NPAS2: variants seen among roughly 807,000 people sequenced by gnomAD.
NPAS2 encodes neuronal PAS domain-containing protein 2.
NPAS2 carries 23 observed loss-of-function variants against 107.5 expected under a neutral mutation model. That is an observed-to-expected ratio of 0.21 (90% CI 0.15 to 0.30). The LOEUF (loss-of-function observed/expected upper bound fraction) is 0.30, where lower values mean the gene tolerates loss of function less well. NPAS2 is among the 10% of genes least tolerant of loss of function. The pLI is 1.00. For missense variants in NPAS2, 756 were observed against 1,043.3 expected (o/e 0.72, Z 3.79); for synonymous variants, 403 against 417.5 (o/e 0.97, Z 0.42).
At chr2:100,880,233 A>G (rs1305344801) in intron 1 of NPAS2, among the ~76,000 whole-genome samples, 5 of 152,226 alleles carry the variant, frequency 3.3e-5, no homozygotes, top group African/African-American at 4.8e-5. Flanking sequence ...CCGTTAAAAC[A>G]TAGAATTACC....
intron 1 of NPAS2, among the ~76,000 whole-genome samples, chr2:100,854,564 A>T (rs1331624510): frequency 1.3e-5 from 2 of 152,164 alleles, no homozygotes; most frequent in Non-Finnish European, 2.9e-5. Flanking sequence ...TTTATACATC[A>T]GTCCTAGGGA....
upstream of NPAS2, among the ~76,000 whole-genome samples, chr2:100,819,608 C>G (rs968033523): frequency 2.2e-4 from 34 of 152,236 alleles, no homozygotes; most frequent in Non-Finnish European, 4.0e-4. This position sits in a 1 kb window ranked among gnomAD's most constrained non-coding sequence, Gnocchi z 5.8. Context: ...GGGTGACAGT[C>G]GCGTGCTCGT....
chr2:100,964,618 G>A (rs1375268889), intron 8 of NPAS2, among the ~76,000 whole-genome samples: 7 of 152,182 alleles, frequency 4.6e-5, no homozygotes, highest in Non-Finnish European at 1.0e-4. Flanking sequence ...GCCACTTCTC[G>A]ATAATGGGAA....
chr2:100,832,048 C>T (rs1676773713), intron 1 of NPAS2, among the ~76,000 whole-genome samples: 4 of 152,172 alleles, frequency 2.6e-5, no homozygotes, highest in Admixed American at 2.6e-4. Context: ...CAGCTGCTGG[C>T]ATCATTGCTC....
At chr2:100,904,833 G>A in intron 2 of NPAS2, 47 bp downstream of exon 2, 2 of 1,434,934 alleles carry the variant, frequency 1.4e-6, no homozygotes, top group Non-Finnish European at 1.9e-6. Flanking sequence ...CTGGCCCCCG[G>A]GGGTCTGCCT....
At chr2:100,881,230 G>A (rs757107766) in intron 1 of NPAS2, among the ~76,000 whole-genome samples, 4 of 152,182 alleles carry the variant, frequency 2.6e-5, no homozygotes, top group African/African-American at 7.2e-5. Context: ...TGGTGCCTGC[G>A]AGCCTAGGAT....
chr2:100,990,735 G>A (rs1326143897), intron 18 of NPAS2, 45 bp from the exon 19 acceptor site: 5 of 1,553,496 alleles, frequency 3.2e-6, no homozygotes, highest in Non-Finnish European at 4.4e-6. Flanking sequence ...TGGGTCTGTG[G>A]TTCAGGTGCT....
chr2:100,882,380 T>C lies in NPAS2; in HGVS notation c.-22-22353T>C, dbSNP rs540939162. The stretch of plus-strand genomic sequence containing the variant: ...ATCCCAGCACTTTGGGAGGCCAAGG[T>C]GGGCGGATCACAAGGTCAGGAGTTC... On this transcript the variant is annotated intron_variant, in intron 1 of 20. Transcript: ENST00000335681. Among the ~76,000 whole-genome samples the C allele has an allele frequency of 9.7e-4, 147 of 152,036 alleles. 4 individuals carry two copies. In the East Asian group the frequency reaches 0.018, roughly 18 times the overall value.
At chr2:100,893,588 G>A (rs1166224743) in intron 1 of NPAS2, among the ~76,000 whole-genome samples, 1 of 152,144 alleles carries the variant, frequency 6.6e-6, no homozygotes, top group Non-Finnish European at 1.5e-5. Context: ...GAAAATTCAT[G>A]ATGATACAAA....
intron 16 of NPAS2, chr2:100,983,661 C>T (rs1253218563): frequency 6.6e-6 from 1 of 152,386 alleles, no homozygotes; most frequent in East Asian, 1.9e-4. Flanking sequence ...GCTGCTCTCC[C>T]CACCTCCTCA....
chr2:100,948,214 G>T (rs1324659295), intron 5 of NPAS2, 21 bp from the exon 6 acceptor site: 3 of 1,610,544 alleles, frequency 1.9e-6, no homozygotes, highest in Non-Finnish European at 2.5e-6. Flanking sequence ...GTGTACCTTT[G>T]TCCTTTATTT....
At chr2:100,994,447 GA>G (rs1230412134) in intron 20 of NPAS2, 6 of 152,402 alleles carry the variant, frequency 3.9e-5, no homozygotes, top group African/African-American at 1.2e-4. Context: ...TCGAGACCCA[GA>G]AGTGATTTTG....
intron 4 of NPAS2, among the ~76,000 whole-genome samples, chr2:100,936,433 G>A (rs1191990967): frequency 6.6e-6 from 1 of 152,116 alleles, no homozygotes. Flanking sequence ...GAAAAAGTCA[G>A]TGAACCGACA....
chr2:100,910,177 T>TGCTGCCTTTCTTTAGAAAAG (rs1269451307), intron 2 of NPAS2, among the ~76,000 whole-genome samples: 1 of 152,218 alleles, frequency 6.6e-6, no homozygotes. Flanking sequence ...CACTTGAAAA[T>TGCTGCCTTTCTTTAGAAAAG]GCTGCCTTTC....
At chr2:100,838,840 C>A (rs1435101773) in intron 1 of NPAS2, among the ~76,000 whole-genome samples, 1 of 151,976 alleles carries the variant, frequency 6.6e-6, no homozygotes, top group East Asian at 1.9e-4. Context: ...TGCTTTGGAT[C>A]AGTTATTTTT....
chr2:100,985,961 T>C (rs922494709), intron 16 of NPAS2: 1 of 152,222 alleles, frequency 6.6e-6, no homozygotes, highest in Admixed American at 6.5e-5. Flanking sequence ...GTAAATTGTG[T>C]CCTACCAGAA....
At chr2:100,890,859 C>G (rs1681009013) in intron 1 of NPAS2, among the ~76,000 whole-genome samples, 1 of 152,122 alleles carries the variant, frequency 6.6e-6, no homozygotes, top group Non-Finnish European at 1.5e-5. Context: ...TTGGCTGAGT[C>G]AGCAGGGGTG....
intron 1 of NPAS2, among the ~76,000 whole-genome samples, chr2:100,873,305 TATACACACACACACAC>T (rs1452394016): frequency 3.7e-3 from 141 of 38,250 alleles, no homozygotes; most frequent in East Asian, 0.012. Flanking sequence ...TATATATATA[TATACACACACACACAC>T]ACACACACAC....
At chr2:100,935,931 ACT>A (rs1167496687) in intron 4 of NPAS2, among the ~76,000 whole-genome samples, 1 of 151,802 alleles carries the variant, frequency 6.6e-6, no homozygotes, top group Admixed American at 6.6e-5. Flanking sequence ...CGTTGTGGGG[ACT>A]CTCCTGCATA....
Sources: gnomAD v4.1 joint callset for allele counts (sites outside exome capture counted in the v4.1 genomes callset) on GRCh38, gnomAD v4.1.1 for gene constraint, Gnocchi (gnomAD v3.1) non-coding constraint, MANE v1.5 for transcripts, NCBI Gene and HGNC (gene_info 2026-07-23, HGNC 2026-07-21) for gene names.